GLB1L3: variants seen among roughly 807,000 people sequenced by gnomAD.
The protein encoded by GLB1L3 is beta-galactosidase-1-like protein 3.
In GLB1L3, 89 loss-of-function variants were observed where a neutral mutation model predicts 89.5. That is an observed-to-expected ratio of 0.99 (90% CI 0.84 to 1.19). The LOEUF (loss-of-function observed/expected upper bound fraction) is 1.19. GLB1L3 is among the 50% of genes most tolerant of loss of function. The pLI is 0.00. For synonymous variants in GLB1L3, 314 were observed against 312.3 expected (o/e 1.01, Z -0.06); for missense variants, 812 against 813.3 (o/e 1.00, Z 0.02).
At chr11:134,301,160 G>C (rs948477591) in intron 9 of GLB1L3, among the ~76,000 whole-genome samples, 1 of 152,198 alleles carries the variant, frequency 6.6e-6, no homozygotes, top group East Asian at 1.9e-4. Flanking sequence ...CTTGGGTCCA[G>C]CTTCTTCCTG....
chr11:134,287,861 T>C (rs1420953532), intron 6 of GLB1L3, among the ~76,000 whole-genome samples: 1 of 152,206 alleles, frequency 6.6e-6, no homozygotes, highest in Non-Finnish European at 1.5e-5. Context: ...CTGACAGTCA[T>C]GCCTCTTCTC....
In GLB1L3 at chr11:134,277,368, G is replaced by A. The variant is rs1940432648; in HGVS notation, c.66G>A (p.Leu22=). The change falls in exon 2 of 20, where the codon CTG becomes CTA. Residue 22 remains leucine (L), a synonymous_variant. Coordinates refer to ENST00000431683, the MANE Select transcript of GLB1L3 (RefSeq NM_001080407.3). ...AGAGAATGGCGGGCATCTTTTTCCT[G>A]CCATTTATCTCATCAGGTTTTGCTC... ...SWKRMAGIFF[L]PFISSGFAPR... is the part of the protein sequence containing the mutation. The A allele has an allele frequency of 6.2e-7, 1 of 1,613,848 alleles. No individual in the cohort carries two copies. The highest frequency in any genetic ancestry group is 1.3e-5 in the African/African-American group (1 of 75,034).
intron 5 of GLB1L3, among the ~76,000 whole-genome samples, chr11:134,282,594 T>A (rs940558025): frequency 1.3e-5 from 2 of 152,206 alleles, no homozygotes; most frequent in Non-Finnish European, 2.9e-5. Flanking sequence ...GGCTTGCCTT[T>A]CCATGCAGTG....
At chr11:134,284,354 G>A (rs1299919622) in intron 6 of GLB1L3, among the ~76,000 whole-genome samples, 1 of 151,722 alleles carries the variant, frequency 6.6e-6, no homozygotes, top group Non-Finnish European at 1.5e-5. Flanking sequence ...TTTGTTACTT[G>A]AAATACGTAG....
chr11:134,282,138 C>G lies in GLB1L3; in HGVS notation c.527+18C>G. 6.4e-7 allele frequency: 1 copy of G among 1,559,628 alleles called. No individual in the cohort carries two copies. The highest frequency in any genetic ancestry group is 8.7e-7 in the Non-Finnish European group (1 of 1,150,662). On this transcript the variant is annotated intron_variant, in intron 5 of 19. Coordinates refer to ENST00000431683, the MANE Select transcript of GLB1L3 (RefSeq NM_001080407.3). Reference sequence around the variant, plus strand: ...TTGCCCAGGTAAGCGGGGCTACAGTCCCAGAGTCGTGGTTCTAGTGAAGTA... The same window carrying G: ...TTGCCCAGGTAAGCGGGGCTACAGTGCCAGAGTCGTGGTTCTAGTGAAGTA...
intron 9 of GLB1L3, among the ~76,000 whole-genome samples, chr11:134,301,206 G>GT (rs1396158325): frequency 6.6e-6 from 1 of 152,104 alleles, no homozygotes; most frequent in African/African-American, 2.4e-5. Context: ...TAGGTATTTG[G>GT]TTGCTCTGTG....
At chr11:134,290,980 C>T (rs955657084) in intron 7 of GLB1L3, among the ~76,000 whole-genome samples, 1 of 152,088 alleles carries the variant, frequency 6.6e-6, no homozygotes, top group African/African-American at 2.4e-5. Context: ...CACACTCGAC[C>T]GATTTTAGGG....
chr11:134,317,313 A>G (rs1391250876), intron 18 of GLB1L3, among the ~76,000 whole-genome samples: 1 of 152,166 alleles, frequency 6.6e-6, no homozygotes, highest in Non-Finnish European at 1.5e-5. Flanking sequence ...TTTTAAATAT[A>G]TCGGTCCATT....
chr11:134,323,196 T>TAACA (rs948729028), downstream of GLB1L3, among the ~76,000 whole-genome samples: 2 of 152,174 alleles, frequency 1.3e-5, no homozygotes, highest in African/African-American at 4.8e-5. Context: ...TCCAAACATG[T>TAACA]AACAATGAAG....
chr11:134,311,333 T>A, intron 13 of GLB1L3, 163 bp downstream of exon 13: 7 of 642,884 alleles, frequency 1.1e-5, no homozygotes, highest in Non-Finnish European at 1.7e-5. Flanking sequence ...GGGTGGACTG[T>A]GAAGGGGTTT....
At chr11:134,318,544 C>T (rs781026745) in intron 18 of GLB1L3, 87 bp from the exon 19 acceptor site, 3 of 761,076 alleles carry the variant, frequency 3.9e-6, no homozygotes, top group East Asian at 2.7e-5. Context: ...TAAAGTATCT[C>T]AATCTTGCTC....
chr11:134,284,188 T>C (rs1404935139), intron 6 of GLB1L3, among the ~76,000 whole-genome samples: 1 of 152,198 alleles, frequency 6.6e-6, no homozygotes, highest in African/African-American at 2.4e-5. Context: ...GAATTTTTGG[T>C]CAGATAAAAA....
chr11:134,310,220 A>G (rs572348934), intron 11 of GLB1L3: 1 of 300,900 alleles, frequency 3.3e-6, no homozygotes, highest in African/African-American at 2.2e-5. Context: ...TGATGAGCTT[A>G]AAAAAAAAAC....
At chr11:134,314,766 T>A (rs1942906373) in intron 18 of GLB1L3, among the ~76,000 whole-genome samples, 1 of 152,232 alleles carries the variant, frequency 6.6e-6, no homozygotes, top group African/African-American at 2.4e-5. Context: ...TTTTTATATA[T>A]AACTTTGCCT....
At chr11:134,306,546 A>T (rs1942212202) in intron 9 of GLB1L3, among the ~76,000 whole-genome samples, 1 of 152,202 alleles carries the variant, frequency 6.6e-6, no homozygotes, top group African/African-American at 2.4e-5. Context: ...GAGCAGCAGC[A>T]TGCCAGAGGA....
At chr11:134,306,157 A>G (rs1942197057) in intron 9 of GLB1L3, among the ~76,000 whole-genome samples, 1 of 152,192 alleles carries the variant, frequency 6.6e-6, no homozygotes, top group South Asian at 2.1e-4. Flanking sequence ...TGAAATTAGC[A>G]TCCTACAGAG....
rs763671951 is a variant in GLB1L3, at chr11:134,305,163, A to G, written c.877-1961A>G. The G allele has an allele frequency of 3.0e-6, 4 of 1,342,970 alleles. 1 individual carries two copies. The South Asian group carries it at 5.0e-5, about 17-fold the overall frequency. The allele number at this position is 1,342,970 out of a possible 1,614,324, so 83.2% of individuals were successfully genotyped here. Reference sequence around the variant, plus strand: ...GCTCTCAGATGCCTCACAAGCAGCAACTTCTTCCTCCTTATAGTTCTTATC... The same window carrying G: ...GCTCTCAGATGCCTCACAAGCAGCAGCTTCTTCCTCCTTATAGTTCTTATC... On this transcript the variant is annotated intron_variant, in intron 9 of 19. Transcript: ENST00000431683.
intron 18 of GLB1L3, among the ~76,000 whole-genome samples, chr11:134,317,466 T>C (rs1943033939): frequency 6.6e-6 from 1 of 152,184 alleles, no homozygotes; most frequent in Non-Finnish European, 1.5e-5. Flanking sequence ...TTATGGTTTA[T>C]TTAGAAGTGC....
In GLB1L3 at chr11:134,276,697, G is replaced by T; in HGVS notation, c.-44G>T. 7.0e-7 allele frequency: 1 copy of T among 1,419,352 alleles called. No homozygotes were observed. The highest frequency in any genetic ancestry group is 9.2e-7 in the Non-Finnish European group (1 of 1,086,236). The allele number at this position is 1,419,352 out of a possible 1,614,324, so 87.9% of individuals were successfully genotyped here. ...GCGCGGCGTCGGGGCCAGCGGAGAG[G>T]GGCGGAAGCCGCAAGGGACCCTCGG... is the stretch of plus-strand genomic sequence containing the variant. On this transcript the variant is annotated 5_prime_UTR_variant, in exon 1 of 20. Transcript: ENST00000431683.
Sources: gnomAD v4.1 joint callset for allele counts (sites outside exome capture counted in the v4.1 genomes callset) on GRCh38, gnomAD v4.1.1 for gene constraint, MANE v1.5 for transcripts, NCBI Gene and HGNC (gene_info 2026-07-23, HGNC 2026-07-21) for gene names.